The following GRIN3B variants were observed in gnomAD, a reference collection of about 807,000 sequenced individuals.
GRIN3B encodes glutamate receptor ionotropic, NMDA 3B.
GRIN3B carries 77 observed loss-of-function variants against 66.0 expected under a neutral mutation model. That is an observed-to-expected ratio of 1.17 (90% CI 0.97 to 1.41). The LOEUF is 1.41. Among genes scored for constraint, GRIN3B ranks in the 40% most tolerant of loss-of-function variants. The pLI, the probability that GRIN3B is intolerant of heterozygous loss-of-function variation, is 0.00. For missense variants in GRIN3B, 1,787 were observed against 1,564.5 expected (o/e 1.14, Z -2.40); for synonymous variants, 823 against 749.7 (o/e 1.10, Z -1.60).
rs1223031387 is a variant in GRIN3B at position 1,005,704 on chromosome 19, A to T, written c.2052+151A>T. On this transcript the variant is annotated intron_variant, in intron 3 of 8. Transcript: ENST00000234389. The surrounding 1 kb of genome is among the most constrained non-coding windows in gnomAD (Gnocchi z 5.2). ...AGACATTTATTCAATTAATTTATTT[A>T]TTTAAAGAAAAATAGCCGGGCGCGG... 32 of 675,506 alleles carry T rather than the reference A, an allele frequency of 4.7e-5. 1 individual carries two copies. Among genetic ancestry groups the T allele is most frequent in the Non-Finnish European group, 7.2e-5 (30 of 417,948 alleles). 41.8% of individuals were successfully genotyped at this position (675,506 alleles called of 1,614,324 possible).
Position 1,009,158 on chromosome 19 carries a change from C to T in GRIN3B, c.2703-15C>T, listed in dbSNP as rs1164915630. The T allele has an allele frequency of 7.6e-6, 11 of 1,455,082 alleles. No homozygotes were observed. The highest frequency in any genetic ancestry group is 1.4e-5 in the South Asian group (1 of 70,822). 90.1% of individuals were successfully genotyped at this position (1,455,082 alleles called of 1,614,324 possible). A position where few individuals can be genotyped will look rare whatever the true frequency, so the allele number is the denominator to read the frequency against. ...CTGCCCCGGCGGACACTGACCAGGC[C>T]GGTTCCGTCCCCAGCGGCCCCGAGG... On this transcript the variant is annotated splice_polypyrimidine_tract_variant and intron_variant, in intron 8 of 8. Transcript: ENST00000234389.
rs765223677 is a variant in GRIN3B at position 1,008,942 on chromosome 19, G to A, written c.2702+15G>A. The stretch of plus-strand genomic sequence containing the variant: ...GCGGAGCCCAGGTAAGTGGTGGTCG[G>A]GGCGGACCACGATGCAGGACCACCC... On this transcript the variant is annotated intron_variant, in intron 8 of 8. Coordinates refer to ENST00000234389, the MANE Select transcript of GRIN3B (RefSeq NM_138690.3). The A allele has an allele frequency of 1.8e-5, 29 of 1,596,234 alleles. No individual in the cohort carries two copies. The East Asian group carries it at 5.5e-4, about 30-fold the overall frequency.
Position 1,009,600 on chromosome 19 carries a change from T to TA in GRIN3B, c.3130_3131insA (p.Ter1044=). The TA allele has an allele frequency of 7.0e-7, 1 of 1,431,808 alleles. No individual in the cohort carries two copies. The highest frequency in any genetic ancestry group is 9.1e-7 in the Non-Finnish European group (1 of 1,098,124). The allele number at this position is 1,431,808 out of a possible 1,614,324, so 88.7% of individuals were successfully genotyped here. Residue 1044 remains the stop codon, a frameshift_variant and stop_retained_variant, in exon 9 of 9, where the codon TGA becomes TAGA. Coordinates refer to ENST00000234389, the MANE Select transcript of GRIN3B (RefSeq NM_138690.3). LOFTEE classifies it high-confidence loss of function. ...PHSGRPGSQE[*] ...CTCTGGCCGACCGGGGAGCCAGGAA[T>TA]GAGGCGGCAGCCGGGCCGTTTGGGC...
Position 1,005,559 on chromosome 19 carries a change from C to A in GRIN3B, c.2052+6C>A, listed in dbSNP as rs370486638. 1 of 1,568,776 alleles carries A rather than the reference C, an allele frequency of 6.4e-7. No homozygotes were observed. Among genetic ancestry groups the A allele is most frequent in the South Asian group, 1.2e-5 (1 of 85,316 alleles). ...CGGGGATCCACGACCCCAAGGTGGG[C>A]GGCCTCGGGGGGCTGCGGGTGGCCT... On this transcript the variant is annotated splice_donor_region_variant and intron_variant, in intron 3 of 8. Transcript: ENST00000234389. The surrounding 1 kb of genome is among the most constrained non-coding windows in gnomAD (Gnocchi z 5.2).
At position 1,005,529 on chromosome 19, in the gene GRIN3B, G is replaced by C; in HGVS notation, c.2028G>C (p.Glu676Asp). The C allele has an allele frequency of 6.2e-7, 1 of 1,608,546 alleles. No homozygotes were observed. The highest frequency in any genetic ancestry group is 8.5e-7 in the Non-Finnish European group (1 of 1,177,032). ...TGGTCGGGGACAAGACCTTCGAGGAGCTGTCGGGGATCCACGACCCCAAGG... is the reference window on the plus strand; with the variant it reads ...TGGTCGGGGACAAGACCTTCGAGGACCTGTCGGGGATCCACGACCCCAAGG... Reference protein sequence around the residue: ...AVMVGDKTFEELSGIHDPKLH... With the variant: ...AVMVGDKTFEDLSGIHDPKLH... The change falls in exon 3 of 9, where the codon GAG becomes GAC. Residue 676 changes from glutamate to aspartate, a missense_variant. Coordinates refer to ENST00000234389, the MANE Select transcript of GRIN3B (RefSeq NM_138690.3). The surrounding 1 kb of genome is among the most constrained non-coding windows in gnomAD (Gnocchi z 5.2).
rs969445021 is a variant in GRIN3B, at chr19:1,000,867, C to G, written c.426+4C>G. The G allele has an allele frequency of 5.0e-6, 7 of 1,403,688 alleles. No individual in the cohort carries two copies. The highest frequency in any genetic ancestry group is 6.5e-6 in the Non-Finnish European group (7 of 1,083,004). 87.0% of individuals were successfully genotyped at this position (1,403,688 alleles called of 1,614,324 possible). On this transcript the variant is annotated splice_donor_region_variant and intron_variant, in intron 1 of 8. Coordinates refer to ENST00000234389, the MANE Select transcript of GRIN3B (RefSeq NM_138690.3). ...GCGCGCGCCCCTCGGAGCCCCGGTA[C>G]GCGGGACGCCCGGAGTCAGGACGAG...
At position 1,009,449 on chromosome 19, in the gene GRIN3B, G is replaced by A. The variant is rs1354146199; in HGVS notation, c.2979G>A (p.Ala993=). ...AGCTGGAGCGCCGCATCGAAGTCGCGCGTGAGCGGCTCCGCCAGGCCCTGG... is the reference window on the plus strand; with the variant it reads ...AGCTGGAGCGCCGCATCGAAGTCGCACGTGAGCGGCTCCGCCAGGCCCTGG... ...LQELERRIEV[A]RERLRQALVR... Residue 993 remains alanine, a synonymous_variant, in exon 9 of 9, where the codon GCG becomes GCA. Coordinates refer to ENST00000234389, the MANE Select transcript of GRIN3B (RefSeq NM_138690.3). The A allele has an allele frequency of 1.4e-6, 2 of 1,473,020 alleles. No homozygotes were observed. 91.2% of individuals were successfully genotyped at this position (1,473,020 alleles called of 1,614,324 possible). A position where few individuals can be genotyped will look rare whatever the true frequency, so the allele number is the denominator to read the frequency against.
intron 1 of GRIN3B, 136 bp from the exon 2 acceptor site, chr19:1,002,994 G>A: frequency 5.2e-6 from 3 of 577,756 alleles, no homozygotes. Context: ...TTAGAGCAGG[G>A]CTGGGGCTGG....
At chr19:1,001,503 G>T (rs1260996876) in intron 1 of GRIN3B, among the ~76,000 whole-genome samples, 1 of 151,282 alleles carries the variant, frequency 6.6e-6, no homozygotes, top group African/African-American at 2.4e-5. Context: ...GGGAGGAAAC[G>T]GAAGAAGAGA....
In GRIN3B at chr19:1,009,643, C is replaced by T. The variant is rs1243293074; in HGVS notation, c.*41C>T. ...GTTTGGGCTCAAGACACACACACAG[C>T]GCAGTGAGCCGCTGTCAACAGACAG... On this transcript the variant is annotated 3_prime_UTR_variant, in exon 9 of 9. Transcript: ENST00000234389. 4 of 1,333,646 alleles carry T rather than the reference C, an allele frequency of 3.0e-6. No individual in the cohort carries two copies. The highest frequency in any genetic ancestry group is 1.9e-6 in the Non-Finnish European group (2 of 1,033,740). The allele number at this position is 1,333,646 out of a possible 1,614,324, so 82.6% of individuals were successfully genotyped here.
chr19:1,007,035 C>G lies in GRIN3B; in HGVS notation c.2053-593C>G, dbSNP rs1388878972. Among the ~76,000 whole-genome samples the G allele has an allele frequency of 6.6e-6, 1 of 152,132 alleles. No homozygotes were observed. The highest frequency in any genetic ancestry group is 2.4e-5 in the African/African-American group (1 of 41,422). On this transcript the variant is annotated intron_variant, in intron 3 of 8. Transcript: ENST00000234389. This position sits in a 1 kb window ranked among gnomAD's most constrained non-coding sequence, Gnocchi z 4.4. ...ACCACGGGTGGTGCAGGGAGGACCCCGCAGAGGGGCCTGGGCTGGTCGAGG... is the reference window on the plus strand; with the variant it reads ...ACCACGGGTGGTGCAGGGAGGACCCGGCAGAGGGGCCTGGGCTGGTCGAGG...
At position 1,005,579 on chromosome 19, in the gene GRIN3B, T is replaced by G. The variant is rs1373361644; in HGVS notation, c.2052+26T>G. The G allele has an allele frequency of 2.0e-6, 3 of 1,528,174 alleles. No individual in the cohort carries two copies. Among genetic ancestry groups the G allele is most frequent in the Non-Finnish European group, 2.6e-6 (3 of 1,134,268 alleles). 94.7% of individuals were successfully genotyped at this position (1,528,174 alleles called of 1,614,324 possible). On this transcript the variant is annotated intron_variant, in intron 3 of 8. Coordinates refer to ENST00000234389, the MANE Select transcript of GRIN3B (RefSeq NM_138690.3). This position sits in a 1 kb window ranked among gnomAD's most constrained non-coding sequence, Gnocchi z 5.2. ...GTGGGCGGCCTCGGGGGGCTGCGGG[T>G]GGCCTTGGGGGGCTAGCGGTGGCCC...
chr19:1,005,105 AC>A lies in GRIN3B; in HGVS notation c.1605del (p.Ser536ProfsTer111). The A allele has an allele frequency of 6.2e-7, 1 of 1,612,440 alleles. No individual in the cohort carries two copies. Among genetic ancestry groups the A allele is most frequent in the Non-Finnish European group, 8.5e-7 (1 of 1,179,754 alleles). On this transcript the variant is annotated frameshift_variant, in exon 3 of 9. Coordinates refer to ENST00000234389, the MANE Select transcript of GRIN3B (RefSeq NM_138690.3). LOFTEE classifies it high-confidence loss of function. The surrounding 1 kb of genome is among the most constrained non-coding windows in gnomAD (Gnocchi z 5.2). Reference sequence around the variant, plus strand: ...ATGGCGGTCACCAGCTTCAGTATCAACTCCGCCCGCTCACAGGTGGTGGACT... The same window carrying A: ...ATGGCGGTCACCAGCTTCAGTATCAATCCGCCCGCTCACAGGTGGTGGACT... ...AHMAVTSFSI[N>X]SARSQVVDFT...
chr19:1,006,692 T>A (rs1284607139), intron 3 of GRIN3B, among the ~76,000 whole-genome samples: 1 of 152,018 alleles, frequency 6.6e-6, no homozygotes, highest in African/African-American at 2.4e-5. Context: ...CCCCTGGGGG[T>A]GCCTGGCCTG....
chr19:1,009,414 G>T lies in GRIN3B; in HGVS notation c.2944G>T (p.Glu982Ter), dbSNP rs145392111. 18 of 1,439,476 alleles carry T rather than the reference G, an allele frequency of 1.3e-5. No homozygotes were observed. The highest frequency in any genetic ancestry group is 1.5e-5 in the Non-Finnish European group (17 of 1,102,538). The allele number at this position is 1,439,476 out of a possible 1,614,324, so 89.2% of individuals were successfully genotyped here. ...GCCCACGGGGGCCCCCCAGCCCGGG[G>T]AGCTGCAGGAGCTGGAGCGCCGCAT... ...ARPTGAPQPGELQELERRIEV... is the reference protein window; with the variant it reads ...ARPTGAPQPG The change falls in exon 9 of 9, where the codon GAG becomes TAG. Residue 982 changes from glutamate to a stop codon, truncating the protein, a stop_gained. Transcript: ENST00000234389. LOFTEE classifies it low-confidence loss of function (END_TRUNC).
In GRIN3B at chr19:1,007,734, A is replaced by G. The variant is rs1366445622; in HGVS notation, c.2159A>G (p.His720Arg). 1.3e-6 allele frequency: 2 copies of G among 1,527,052 alleles called. No individual in the cohort carries two copies. The highest frequency in any genetic ancestry group is 1.8e-6 in the Non-Finnish European group (2 of 1,138,482). 94.6% of individuals were successfully genotyped at this position (1,527,052 alleles called of 1,614,324 possible). Reference protein sequence around the residue: ...FPDMHAHMRRHSAPTTPRGVA... With the variant: ...FPDMHAHMRRRSAPTTPRGVA... ...GACATGCACGCACACATGCGGCGCC[A>G]CAGCGCGCCCACCACGCCCCGCGGC... Residue 720 changes from histidine to arginine, a missense_variant, in exon 4 of 9, where the codon CAC (histidine) becomes CGC (arginine). Transcript: ENST00000234389. This position sits in a 1 kb window ranked among gnomAD's most constrained non-coding sequence, Gnocchi z 4.4.
In GRIN3B at chr19:1,004,716, C is replaced by G. The variant is rs773202560; in HGVS notation, c.1215C>G (p.Pro405=). The change falls in exon 3 of 9, where the codon CCC becomes CCG. Residue 405 remains proline, a synonymous_variant. Transcript: ENST00000234389. ...DLEPGGASAR[P]PPPQGAQVWP... Reference sequence around the variant, plus strand: ...AACCGGGAGGTGCCTCTGCACGGCCCCCGCCCCCACAGGGTGCCCAGGTCT... The same window carrying G: ...AACCGGGAGGTGCCTCTGCACGGCCGCCGCCCCCACAGGGTGCCCAGGTCT... 6.2e-6 allele frequency: 10 copies of G among 1,605,480 alleles called. No individual in the cohort carries two copies. Among genetic ancestry groups the G allele is most frequent in the Non-Finnish European group, 8.5e-6 (10 of 1,175,216 alleles).
intron 8 of GRIN3B, 77 bp from the exon 9 acceptor site, chr19:1,009,096 G>A (rs1310021014): frequency 3.5e-6 from 5 of 1,447,270 alleles, no homozygotes; most frequent in African/African-American, 2.9e-5. Flanking sequence ...ATCCTCTGCC[G>A]TCAGCGGCCT....
chr19:1,007,682 G>T lies in GRIN3B; in HGVS notation c.2107G>T (p.Glu703Ter), dbSNP rs758691413. 6.5e-7 allele frequency: 1 copy of T among 1,536,776 alleles called. No homozygotes were observed. Among genetic ancestry groups the T allele is most frequent in the Non-Finnish European group, 8.7e-7 (1 of 1,143,090 alleles). The change falls in exon 4 of 9, where the codon GAG becomes TAG. Residue 703 changes from glutamate (E) to a stop codon, truncating the protein, a stop_gained. Coordinates refer to ENST00000234389, the MANE Select transcript of GRIN3B (RefSeq NM_138690.3). LOFTEE classifies it high-confidence loss of function. This position sits in a 1 kb window ranked among gnomAD's most constrained non-coding sequence, Gnocchi z 4.4. ...CGGCACCGTGTGGGAGAGCAGCGCC[G>T]AGGCGTACATCAAGAAGAGCTTCCC... ...RFGTVWESSA[E>*]AYIKKSFPDM...
Sources: allele counts gnomAD v4.1 joint callset (sites outside exome capture counted in the v4.1 genomes callset), GRCh38; gene constraint gnomAD v4.1.1; non-coding constraint Gnocchi (gnomAD v3.1); transcripts MANE v1.5; gene names NCBI Gene and HGNC (gene_info 2026-07-23, HGNC 2026-07-21).